Variants in MPP7 observed in about 807,000 individuals in gnomAD.
MPP7 encodes MAGUK p55 subfamily member 7.
In MPP7, 60 loss-of-function variants were observed where a neutral mutation model predicts 76.5. The ratio of observed to expected loss-of-function variants is 0.78; its 90% CI spans 0.64 to 0.97. The LOEUF (loss-of-function observed/expected upper bound fraction) is 0.97. Ranked by LOEUF, MPP7 falls within the 50% of genes least tolerant of loss-of-function variation. MPP7 has a pLI of 0.00. For synonymous variants in MPP7, 237 were observed against 244.5 expected (o/e 0.97, Z 0.29); for missense variants, 641 against 694.0 (o/e 0.92, Z 0.86).
rs200694284 is a variant in MPP7 at position 28,277,494 on chromosome 10, G to A, written c.-132+25367C>T. 2.0e-4 allele frequency among the ~76,000 whole-genome samples: 31 copies of A among 152,056 alleles called. No individual in the cohort carries two copies. The East Asian group carries it at 5.8e-3, about 28-fold the overall frequency. On this transcript the variant is annotated intron_variant, in intron 1 of 16. Coordinates refer to ENST00000683449, the MANE Select transcript of MPP7 (RefSeq NM_001318170.2). Reference sequence around the variant, plus strand: ...TTCAAAGCCGTCCTGGGCTGCATGCGGCCCATGGGCCGCAGGTTGGATAGG... The same window carrying A: ...TTCAAAGCCGTCCTGGGCTGCATGCAGCCCATGGGCCGCAGGTTGGATAGG...
intron 3 of MPP7, among the ~76,000 whole-genome samples, chr10:28,187,639 G>A (rs1837281203): frequency 1.3e-5 from 2 of 152,136 alleles, no homozygotes; most frequent in Admixed American, 6.5e-5. Context: ...AAACAGCACT[G>A]TTTCTAAAAG....
At chr10:28,308,832 TG>T (rs1841273562) in intron 2 of MPP7, among the ~76,000 whole-genome samples, 1 of 152,180 alleles carries the variant, frequency 6.6e-6, no homozygotes, top group Admixed American at 6.5e-5. Context: ...TGTCTCTTCC[TG>T]CTTCAGTCAA....
Position 28,150,009 on chromosome 10 carries a change from G to A in MPP7, c.207C>T (p.Leu69=). 1.9e-6 allele frequency: 3 copies of A among 1,613,646 alleles called. No individual in the cohort carries two copies. The change falls in exon 4 of 17, where the codon CTC becomes CTT. Residue 69 remains leucine (L), a synonymous_variant. Transcript: ENST00000683449. ...YYEKQSPVPI[L]HGAAALADDL... is the part of the protein sequence containing the mutation. Reference sequence around the variant, plus strand: ...CATCGGCCAAGGCCGCCGCACCATGGAGAATGGGCACCGGACTCTGCTTCT... The same window carrying A: ...CATCGGCCAAGGCCGCCGCACCATGAAGAATGGGCACCGGACTCTGCTTCT...
intron 2 of MPP7, among the ~76,000 whole-genome samples, chr10:28,234,974 A>G (rs1430176821): frequency 6.6e-6 from 1 of 152,050 alleles, no homozygotes; most frequent in East Asian, 1.9e-4. Context: ...CTATGGCCCT[A>G]ATTTTTTGTA....
Position 28,052,231 on chromosome 10 carries a change from T to C in MPP7, c.*1834A>G, listed in dbSNP as rs1851386949. 1 of 152,226 alleles carries C rather than the reference T, an allele frequency of 6.6e-6. No individual in the cohort carries two copies. The highest frequency in any genetic ancestry group is 1.5e-5 in the Non-Finnish European group (1 of 68,030). 9.4% of individuals were successfully genotyped at this position (152,226 alleles called of 1,614,324 possible). On this transcript the variant is annotated 3_prime_UTR_variant, in exon 17 of 17. Transcript: ENST00000683449. ...CCCATCATTCTTTGTACAAGAAGTC[T>C]TGATTTATAGAAAATTTCAGACAAT...
chr10:28,217,732 A>C (rs1209303229), intron 2 of MPP7, among the ~76,000 whole-genome samples: 1 of 152,134 alleles, frequency 6.6e-6, no homozygotes, highest in Non-Finnish European at 1.5e-5. Context: ...AGAAGCCAGG[A>C]AACATATTTT....
chr10:28,208,409 G>C (rs1253585087), intron 2 of MPP7, among the ~76,000 whole-genome samples: 4 of 152,132 alleles, frequency 2.6e-5, no homozygotes, highest in African/African-American at 9.7e-5. Flanking sequence ...ACAGTGACAG[G>C]AACTGTCAAG....
intron 16 of MPP7, among the ~76,000 whole-genome samples, chr10:28,054,713 G>A (rs1263953400): frequency 6.6e-6 from 1 of 152,142 alleles, no homozygotes; most frequent in Non-Finnish European, 1.5e-5. Flanking sequence ...GTCTCACTCT[G>A]TCACCCAGGT....
At chr10:28,173,683 C>T (rs956071544) in intron 3 of MPP7, among the ~76,000 whole-genome samples, 13 of 152,144 alleles carry the variant, frequency 8.5e-5, no homozygotes, top group Non-Finnish European at 2.9e-5. Flanking sequence ...AAAGATAACC[C>T]GCAACCCCAT....
chr10:28,130,988 C>T (rs754580842), intron 6 of MPP7, among the ~76,000 whole-genome samples: 2 of 151,684 alleles, frequency 1.3e-5, no homozygotes, highest in African/African-American at 4.8e-5. Context: ...TTCTTCATTG[C>T]CATTAGAGGT....
chr10:28,080,354 T>C (rs949590753), intron 12 of MPP7, among the ~76,000 whole-genome samples: 1 of 152,138 alleles, frequency 6.6e-6, no homozygotes, highest in Admixed American at 6.6e-5. Flanking sequence ...GACGGGGGCA[T>C]GAGAAACTGC....
intron 12 of MPP7, among the ~76,000 whole-genome samples, chr10:28,080,017 T>G (rs1346391708): frequency 8.9e-6 from 1 of 112,640 alleles, no homozygotes; most frequent in Non-Finnish European, 1.6e-5. Flanking sequence ...AGCGGAAGAA[T>G]GGCTCAAACC....
At chr10:28,056,191 TCTGCCTA>T (rs1851547415) in intron 16 of MPP7, among the ~76,000 whole-genome samples, 2 of 152,112 alleles carry the variant, frequency 1.3e-5, no homozygotes, top group South Asian at 2.1e-4. Flanking sequence ...TCTTCCCACC[TCTGCCTA>T]CCAGGCTGGA....
At chr10:28,140,412 G>A (rs1835477837) in intron 5 of MPP7, among the ~76,000 whole-genome samples, 1 of 152,164 alleles carries the variant, frequency 6.6e-6, no homozygotes, top group Admixed American at 6.5e-5. Context: ...TTGGGAGGCT[G>A]AGGCAGGAGA....
chr10:28,236,498 A>C (rs1460377512), intron 2 of MPP7: 1 of 152,196 alleles, frequency 6.6e-6, no homozygotes, highest in Admixed American at 6.5e-5. Flanking sequence ...ACTCAAAAAC[A>C]ATGTATTAAT....
upstream of MPP7, chr10:28,334,498 G>A (rs1236198588): frequency 6.6e-6 from 1 of 152,132 alleles, no homozygotes; most frequent in Non-Finnish European, 1.5e-5. Flanking sequence ...TCTTTCTTTA[G>A]TTGCCAAGCA....
At chr10:28,092,577 C>CTTTTTTTTTTTTTTTT (rs397969009) in intron 11 of MPP7, among the ~76,000 whole-genome samples, 1 of 121,110 alleles carries the variant, frequency 8.3e-6, no homozygotes, top group East Asian at 3.2e-4. Flanking sequence ...GAAAAGGGAC[C>CTTTTTTTTTTTTTTTT]TTTTTTTTTT....
intron 2 of MPP7, among the ~76,000 whole-genome samples, chr10:28,211,894 A>C (rs938338798): frequency 1.3e-4 from 20 of 152,114 alleles, no homozygotes; most frequent in African/African-American, 4.8e-4. Flanking sequence ...CTTTTACTTT[A>C]GAGTGAAAGA....
chr10:28,183,140 C>CA (rs1837114029), intron 3 of MPP7, among the ~76,000 whole-genome samples: 2 of 152,058 alleles, frequency 1.3e-5, no homozygotes, highest in East Asian at 3.9e-4. Context: ...AAATATGATT[C>CA]TATTTATAAG....
Sources: allele counts gnomAD v4.1 joint callset (sites outside exome capture counted in the v4.1 genomes callset), GRCh38; gene constraint gnomAD v4.1.1; transcripts MANE v1.5; gene names NCBI Gene and HGNC (gene_info 2026-07-23, HGNC 2026-07-21).